Variants in TMEFF1 observed in about 807,000 individuals in gnomAD.
TMEFF1 encodes the protein tomoregulin-1.
In TMEFF1, 20 loss-of-function variants were observed where a neutral mutation model predicts 47.5. That is an observed-to-expected ratio of 0.42 (90% CI 0.30 to 0.61). The LOEUF (loss-of-function observed/expected upper bound fraction) is 0.61, where lower values mean the gene tolerates loss of function less well. Among genes scored for constraint, TMEFF1 ranks in the 20% least tolerant of loss-of-function variants. The pLI is 0.19. For synonymous variants in TMEFF1, 162 were observed against 166.3 expected, an observed-to-expected ratio of 0.97 and a Z score of 0.20; for missense variants, 411 against 471.1, an observed-to-expected ratio of 0.87 and a Z score of 1.18.
intron 1 of TMEFF1, among the ~76,000 whole-genome samples, chr9:100,492,355 G>A (rs1837570970): frequency 6.6e-6 from 1 of 152,166 alleles, no homozygotes; most frequent in South Asian, 2.1e-4. Context: ...TTTCATAGAA[G>A]TAATTTATTT....
At chr9:100,498,702 CACAG>C in intron 1 of TMEFF1, 59 bp from the exon 2 acceptor site, 13 of 1,496,348 alleles carry the variant, frequency 8.7e-6, no homozygotes, top group Non-Finnish European at 1.1e-5. Flanking sequence ...CACACACGCG[CACAG>C]ACACACACAC....
chr9:100,534,960 T>A (rs935621060), intron 5 of TMEFF1, among the ~76,000 whole-genome samples: 1 of 152,202 alleles, frequency 6.6e-6, no homozygotes, highest in African/African-American at 2.4e-5. Flanking sequence ...TGTAAAGGGC[T>A]AGATGGTAAA....
intron 5 of TMEFF1, among the ~76,000 whole-genome samples, chr9:100,526,981 A>AAAAAG (rs1838270001): frequency 7.0e-6 from 1 of 143,672 alleles, no homozygotes; most frequent in African/African-American, 2.6e-5. Context: ...AAAAAAAAAA[A>AAAAAG]GGGAAAAAAA....
chr9:100,537,057 T>C (rs1444941328), intron 5 of TMEFF1, among the ~76,000 whole-genome samples: 1 of 152,182 alleles, frequency 6.6e-6, no homozygotes, highest in Non-Finnish European at 1.5e-5. Context: ...TAAAATTTGA[T>C]AGAGATAAAT....
intron 7 of TMEFF1, among the ~76,000 whole-genome samples, chr9:100,553,104 TA>T (rs1400457037): frequency 1.3e-5 from 2 of 152,042 alleles, no homozygotes; most frequent in Non-Finnish European, 2.9e-5. Flanking sequence ...GCCAATAGCT[TA>T]AAAAACTACA....
At chr9:100,503,535 A>AACAC (rs66485935) in intron 2 of TMEFF1, among the ~76,000 whole-genome samples, 2,132 of 144,022 alleles carry the variant, frequency 0.015, 32 homozygotes, top group African/African-American at 0.035. Flanking sequence ...GAGAAACAGA[A>AACAC]ACACACACAC....
intron 1 of TMEFF1, among the ~76,000 whole-genome samples, chr9:100,493,125 G>C (rs1026546158): frequency 6.6e-6 from 1 of 151,676 alleles, no homozygotes; most frequent in East Asian, 1.9e-4. Context: ...GACAATTTTG[G>C]TTGTCAGAGC....
intron 7 of TMEFF1, among the ~76,000 whole-genome samples, chr9:100,556,420 T>C (rs930191939): frequency 6.6e-6 from 1 of 152,062 alleles, no homozygotes; most frequent in Admixed American, 6.6e-5. Context: ...ATGTGCGGGG[T>C]TAGTGCTGGG....
intron 6 of TMEFF1, 56 bp from the exon 7 acceptor site, chr9:100,550,039 A>T: frequency 6.4e-7 from 1 of 1,567,032 alleles, no homozygotes; most frequent in Non-Finnish European, 8.6e-7. Flanking sequence ...TGGGAGTATC[A>T]TGATATGACT....
At chr9:100,564,249 A>G (rs1022349607) in intron 8 of TMEFF1, among the ~76,000 whole-genome samples, 1 of 151,938 alleles carries the variant, frequency 6.6e-6, no homozygotes, top group East Asian at 1.9e-4. Flanking sequence ...TAATTTTTCT[A>G]TTTTTAGTAG....
chr9:100,530,176 T>G (rs1245363807), intron 5 of TMEFF1, among the ~76,000 whole-genome samples: 1 of 151,016 alleles, frequency 6.6e-6, no homozygotes, highest in Non-Finnish European at 1.5e-5. Flanking sequence ...ACATCACAAT[T>G]AAAAGAACTA....
intron 3 of TMEFF1, 39 bp downstream of exon 3, chr9:100,509,173 T>C (rs1802702996): frequency 4.2e-6 from 6 of 1,428,630 alleles, no homozygotes; most frequent in Admixed American, 5.4e-5. Context: ...TTGGAAAATA[T>C]GGTGGAATCA....
intron 5 of TMEFF1, among the ~76,000 whole-genome samples, chr9:100,523,506 C>T (rs902042830): frequency 6.6e-6 from 1 of 152,106 alleles, no homozygotes; most frequent in African/African-American, 2.4e-5. Context: ...GAATTAGTGG[C>T]AATCGACACT....
At chr9:100,524,278 T>TA (rs1415914079) in intron 5 of TMEFF1, among the ~76,000 whole-genome samples, 2 of 152,234 alleles carry the variant, frequency 1.3e-5, no homozygotes, top group Admixed American at 1.3e-4. Flanking sequence ...GAATACCTGT[T>TA]AAAAACTACC....
At chr9:100,534,311 G>T (rs191000752) in intron 5 of TMEFF1, among the ~76,000 whole-genome samples, 184 of 152,194 alleles carry the variant, frequency 1.2e-3, no homozygotes, top group African/African-American at 4.3e-3. Context: ...TTGATTGGGG[G>T]CTTTTAGATT....
intron 1 of TMEFF1, among the ~76,000 whole-genome samples, chr9:100,476,806 C>T (rs1292479809): frequency 1.3e-5 from 2 of 151,478 alleles, no homozygotes; most frequent in Non-Finnish European, 2.9e-5. Context: ...GCGCCATTCT[C>T]CTGCCTCAGC....
chr9:100,519,368 A>G (rs1363529819), intron 5 of TMEFF1, among the ~76,000 whole-genome samples: 1 of 152,084 alleles, frequency 6.6e-6, no homozygotes, highest in Admixed American at 6.6e-5. Context: ...AGATTGCGCC[A>G]CTGTACTCCA....
At chr9:100,488,239 C>T (rs56170030) in intron 1 of TMEFF1, among the ~76,000 whole-genome samples, 6,679 of 151,878 alleles carry the variant, frequency 0.044, 325 homozygotes, top group South Asian at 0.22. Flanking sequence ...TTTTTTTTCA[C>T]AATAGGTCTT....
At chr9:100,552,206 T>C (rs144806400) in intron 7 of TMEFF1, among the ~76,000 whole-genome samples, 11 of 152,268 alleles carry the variant, frequency 7.2e-5, no homozygotes, top group Admixed American at 2.0e-4. Context: ...GAATCATTAA[T>C]ATATTTGAAA....
Sources: gnomAD v4.1 joint callset for allele counts (sites outside exome capture counted in the v4.1 genomes callset) on GRCh38, gnomAD v4.1.1 for gene constraint, MANE v1.5 for transcripts, NCBI Gene and HGNC (gene_info 2026-07-23, HGNC 2026-07-21) for gene names.